GLT8D2: variants seen among roughly 807,000 people sequenced by gnomAD.
GLT8D2 encodes glycosyltransferase 8 domain-containing protein 2.
In GLT8D2, 45 loss-of-function variants were observed where a neutral mutation model predicts 44.5. The observed-to-expected ratio is 1.01, with a 90% CI of 0.80 to 1.30. The LOEUF (loss-of-function observed/expected upper bound fraction) is 1.30. Among genes scored for constraint, GLT8D2 ranks in the 50% most tolerant of loss-of-function variants. GLT8D2 has a pLI of 0.00. For missense variants in GLT8D2, 400 were observed against 430.4 expected, an observed-to-expected ratio of 0.93 and a Z score of 0.62; for synonymous variants, 156 against 157.2, an observed-to-expected ratio of 0.99 and a Z score of 0.06.
intron 1 of GLT8D2, among the ~76,000 whole-genome samples, chr12:104,030,261 G>A (rs1879087489): frequency 6.6e-6 from 1 of 152,098 alleles, no homozygotes; most frequent in African/African-American, 2.4e-5. Flanking sequence ...GGAAAGGATA[G>A]TCTCTTTAGT....
chr12:104,033,786 G>A (rs9739313), intron 1 of GLT8D2, among the ~76,000 whole-genome samples: 11,180 of 130,410 alleles, frequency 0.086, 501 homozygotes, highest in East Asian at 0.16. Flanking sequence ...GTGTGTGTGT[G>A]TATATATGTG....
At chr12:104,019,271 G>A (rs6539118) in intron 3 of GLT8D2, among the ~76,000 whole-genome samples, 5,600 of 151,914 alleles carry the variant, frequency 0.037, 181 homozygotes, top group South Asian at 0.084. Context: ...GAGACTACAG[G>A]TGTCCGCCAC....
At chr12:103,997,914 TACACAC>T (rs59719067) in intron 6 of GLT8D2, among the ~76,000 whole-genome samples, 45,796 of 146,078 alleles carry the variant, frequency 0.31, 7,510 homozygotes, top group Non-Finnish European at 0.37. Flanking sequence ...CAGCCTTAAA[TACACAC>T]ACACACACAC....
chr12:104,059,323 G>C (rs1882432421), intron 1 of GLT8D2, among the ~76,000 whole-genome samples: 1 of 152,124 alleles, frequency 6.6e-6, no homozygotes, highest in Admixed American at 6.5e-5. Context: ...TTTCTGAACA[G>C]ATCTACTTGC....
At chr12:103,989,611 G>A in intron 10 of GLT8D2, 34 bp from the exon 11 acceptor site, 1 of 1,513,694 alleles carries the variant, frequency 6.6e-7, no homozygotes, top group Non-Finnish European at 9.0e-7. Flanking sequence ...TAATAGGCTT[G>A]TTAGAGAATA....
intron 2 of GLT8D2, among the ~76,000 whole-genome samples, chr12:104,020,848 C>G (rs1014232283): frequency 5.9e-5 from 9 of 152,158 alleles, no homozygotes; most frequent in Middle Eastern, 3.2e-3. Flanking sequence ...CTCAAACTGG[C>G]TGGATCATAG....
Position 104,003,145 on chromosome 12 carries a change from T to C in GLT8D2, c.274A>G (p.Thr92Ala), listed in dbSNP as rs781480264. 1.2e-6 allele frequency: 2 copies of C among 1,613,486 alleles called. No homozygotes were observed. The highest frequency in any genetic ancestry group is 1.7e-6 in the Non-Finnish European group (2 of 1,179,696). ...TAAGACATAACTTACCGTATTCGAG[T>C]CAGAGTATTCCGGAGTCCCACTACA... is the stretch of plus-strand genomic sequence containing the variant. The part of the protein sequence containing the change: ...FYVVGLRNTL[T>A]RIRKWIEHSK... The change falls in exon 5 of 11, where the codon ACT becomes GCT. Residue 92 changes from threonine (T) to alanine (A), a missense_variant. Transcript: ENST00000360814.
chr12:104,031,434 A>C, intron 1 of GLT8D2: 1 of 1,612,096 alleles, frequency 6.2e-7, no homozygotes, highest in Non-Finnish European at 8.5e-7. Context: ...ATTGTCTATG[A>C]ATTGGACAAG....
chr12:104,059,160 T>C (rs1882419693), intron 1 of GLT8D2, among the ~76,000 whole-genome samples: 1 of 152,228 alleles, frequency 6.6e-6, no homozygotes, highest in South Asian at 2.1e-4. Flanking sequence ...TAAAGAGGGA[T>C]TCCTGTACAT....
chr12:103,996,599 G>C, intron 8 of GLT8D2, 136 bp downstream of exon 8: 2 of 639,876 alleles, frequency 3.1e-6, no homozygotes, highest in East Asian at 5.3e-5. Context: ...CCCCTGTACT[G>C]TTCCACCTCC....
chr12:104,011,810 T>C (rs747507446), intron 4 of GLT8D2, among the ~76,000 whole-genome samples: 20 of 152,160 alleles, frequency 1.3e-4, no homozygotes, highest in Admixed American at 5.2e-4. Flanking sequence ...ACCTCTGCTT[T>C]ATAACAATAT....
intron 10 of GLT8D2, among the ~76,000 whole-genome samples, chr12:103,990,309 T>A (rs1005523926): frequency 2.0e-5 from 3 of 151,866 alleles, no homozygotes; most frequent in South Asian, 2.1e-4. Flanking sequence ...AATGGCAACA[T>A]TTGCTTTTGA....
intron 3 of GLT8D2, among the ~76,000 whole-genome samples, chr12:104,018,831 CTTTG>C (rs997962102): frequency 5.2e-4 from 79 of 152,270 alleles, no homozygotes; most frequent in African/African-American, 1.8e-3. Flanking sequence ...TGTTCTGAGT[CTTTG>C]TTTGCTGAAT....
intron 1 of GLT8D2, among the ~76,000 whole-genome samples, chr12:104,029,164 CCTGTAGTCCCAG>C (rs1878934263): frequency 6.6e-6 from 1 of 152,048 alleles, no homozygotes; most frequent in Non-Finnish European, 1.5e-5. Flanking sequence ...GTGGCGTGCA[CCTGTAGTCCCAG>C]CTACTTCGGA....
chr12:103,998,926 A>G (rs1369834640), intron 6 of GLT8D2, among the ~76,000 whole-genome samples: 1 of 152,236 alleles, frequency 6.6e-6, no homozygotes, highest in East Asian at 1.9e-4. Context: ...TTCCAATGCT[A>G]GGAAAAGAGA....
In GLT8D2 at chr12:104,045,958, T is replaced by TAAGAAAGAAAGAAAGAAAGAAAATAAGA; in HGVS notation, c.-164+3936_-164+3937insTCTTATTTTCTTTCTTTCTTTCTTTCTT. Among the ~76,000 whole-genome samples, 3 of 132,768 alleles carry TAAGAAAGAAAGAAAGAAAGAAAATAAGA rather than the reference T, an allele frequency of 2.3e-5. No homozygotes were observed. The South Asian group carries it at 8.0e-4, about 35-fold the overall frequency. The allele number at this position is 132,768 out of a possible 152,430, so 87.1% of individuals were successfully genotyped here. On this transcript the variant is annotated intron_variant, in intron 1 of 10. Transcript: ENST00000360814. ...AAGAAAAAGAAAGAAAGAAAGAAAA[T>TAAGAAAGAAAGAAAGAAAGAAAATAAGA]AAGAAAGAAAGAAAGAAAGAAAGTG...
At chr12:104,021,954 GA>G (rs1877844206) in intron 1 of GLT8D2, among the ~76,000 whole-genome samples, 2 of 16,262 alleles carry the variant, frequency 1.2e-4, no homozygotes, top group African/African-American at 2.2e-4. Context: ...AGAAGAAGAA[GA>G]GGAAGAAGAG....
At chr12:103,998,725 T>A (rs940684151) in intron 6 of GLT8D2, among the ~76,000 whole-genome samples, 8 of 152,110 alleles carry the variant, frequency 5.3e-5, no homozygotes, top group Non-Finnish European at 8.8e-5. Flanking sequence ...AAAACTTTTT[T>A]AAGTATAAAC....
At chr12:104,052,677 C>A (rs1375390734), upstream of GLT8D2, among the ~76,000 whole-genome samples, 1 of 152,196 alleles carries the variant, frequency 6.6e-6, no homozygotes, top group Non-Finnish European at 1.5e-5. Context: ...CACAATCCAG[C>A]AGGTGTGTCC....
Sources: gnomAD v4.1 joint callset for allele counts (sites outside exome capture counted in the v4.1 genomes callset) on GRCh38, gnomAD v4.1.1 for gene constraint, MANE v1.5 for transcripts, NCBI Gene and HGNC (gene_info 2026-07-23, HGNC 2026-07-21) for gene names.